Variants in MCC observed in about 807,000 individuals in gnomAD.
MCC encodes the protein colorectal mutant cancer protein.
In MCC, 90 loss-of-function variants were observed where a neutral mutation model predicts 116.2. The ratio of observed to expected loss-of-function variants is 0.77; its 90% CI spans 0.65 to 0.92. The LOEUF is 0.92. Ranked by LOEUF, MCC falls within the 40% of genes least tolerant of loss-of-function variation. The probability of loss-of-function intolerance (pLI) is 0.00; values close to 1 mark genes in which losing one functional copy is unlikely to be tolerated. For missense variants in MCC, 1,516 were observed against 1,312.2 expected (o/e 1.16, Z -2.40); for synonymous variants, 578 against 510.5 (o/e 1.13, Z -1.78).
rs1561723837 is a variant in MCC at position 113,025,297 on chromosome 5, A to T, written c.*2005T>A. 1.3e-5 allele frequency: 2 copies of T among 151,946 alleles called. No individual in the cohort carries two copies. Among genetic ancestry groups the T allele is most frequent in the African/African-American group, 4.8e-5 (2 of 41,346 alleles). The allele number at this position is 151,946 out of a possible 1,614,324, so 9.4% of individuals were successfully genotyped here. ...CAGCCAAAACATTTTCCTCATGATAAAATGCAACTTTATATGAAAAGTGAA... is the reference window on the plus strand; with the variant it reads ...CAGCCAAAACATTTTCCTCATGATATAATGCAACTTTATATGAAAAGTGAA... On this transcript the variant is annotated 3_prime_UTR_variant, in exon 19 of 19. Transcript: ENST00000408903.
chr5:113,450,970 T>TC (rs1445351665), intron 1 of MCC, among the ~76,000 whole-genome samples: 1 of 152,210 alleles, frequency 6.6e-6, no homozygotes, highest in Non-Finnish European at 1.5e-5. Context: ...TCCTTTTTTT[T>TC]CACCCCCATT....
At chr5:113,071,345 C>A in intron 11 of MCC, 111 bp from the exon 12 acceptor site, 2 of 1,092,536 alleles carry the variant, frequency 1.8e-6, no homozygotes, top group Non-Finnish European at 1.3e-6. Context: ...GTGGGCCTGT[C>A]AGATTAGTAG....
chr5:113,422,417 G>A (rs1770365901), intron 1 of MCC, among the ~76,000 whole-genome samples: 1 of 149,982 alleles, frequency 6.7e-6, no homozygotes, highest in South Asian at 2.1e-4. Flanking sequence ...AAGCTTCTAT[G>A]ATTTAATTTT....
At chr5:113,419,481 G>C (rs2150406461) in intron 1 of MCC, among the ~76,000 whole-genome samples, 1 of 152,062 alleles carries the variant, frequency 6.6e-6, no homozygotes, top group Non-Finnish European at 1.5e-5. Flanking sequence ...ACGGGTGTAA[G>C]CCACCATACC....
chr5:113,467,587 C>T (rs965519777), intron 1 of MCC, among the ~76,000 whole-genome samples: 1 of 152,062 alleles, frequency 6.6e-6, no homozygotes, highest in African/African-American at 2.4e-5. Flanking sequence ...GTTACTGTAG[C>T]CTTGTAGTAT....
chr5:113,276,980 A>G (rs1180167116), intron 3 of MCC, among the ~76,000 whole-genome samples: 1 of 151,506 alleles, frequency 6.6e-6, no homozygotes, highest in Non-Finnish European at 1.5e-5. Flanking sequence ...ATCAAGGAAA[A>G]CTTGAAAAAA....
chr5:113,134,685 T>C (rs374110085), intron 5 of MCC, among the ~76,000 whole-genome samples: 15 of 151,650 alleles, frequency 9.9e-5, no homozygotes, highest in East Asian at 7.7e-4. Flanking sequence ...CTTTGGGTAG[T>C]ATTAACATTT....
chr5:113,120,786 G>A (rs2150269046), intron 6 of MCC, among the ~76,000 whole-genome samples: 1 of 152,320 alleles, frequency 6.6e-6, no homozygotes, highest in African/African-American at 2.4e-5. Flanking sequence ...GTTATCATCT[G>A]CAAACACCCT....
At position 113,302,440 on chromosome 5, in the gene MCC, A is replaced by G. The variant is rs187571148; in HGVS notation, c.627+38079T>C. ...GGACTTTGTTGAGATCCTGATTCAA[A>G]CAAAGTAACTATAAAAAATTATGAA... On this transcript the variant is annotated intron_variant, in intron 3 of 18. Transcript: ENST00000408903. 3.3e-5 allele frequency among the ~76,000 whole-genome samples: 5 copies of G among 152,340 alleles called. No homozygotes were observed. The East Asian group carries it at 7.7e-4, about 24-fold the overall frequency.
At chr5:113,479,799 T>C (rs1282781398) in intron 1 of MCC, among the ~76,000 whole-genome samples, 1 of 152,218 alleles carries the variant, frequency 6.6e-6, no homozygotes, top group Middle Eastern at 3.2e-3. Context: ...TTAGTGACAC[T>C]ATGGTTTCAT....
intron 17 of MCC, among the ~76,000 whole-genome samples, chr5:113,041,057 G>A (rs13355207): frequency 0.051 from 7,736 of 152,254 alleles, 646 homozygotes; most frequent in African/African-American, 0.18. Context: ...ATTTTTCTGC[G>A]CAGCTTTTCT....
intron 2 of MCC, among the ~76,000 whole-genome samples, chr5:113,343,754 C>T (rs1768067418): frequency 6.6e-6 from 1 of 152,116 alleles, no homozygotes; most frequent in South Asian, 2.1e-4. Flanking sequence ...ACTTTTTAAC[C>T]TAGAAATACA....
rs142204458 is a variant in MCC at position 113,339,351 on chromosome 5, A to G, written c.627+1168T>C. ...ATTATTTTGGTATACTAGTCATAAT[A>G]AACTGATGTTGACACACTATTATTA... is the stretch of plus-strand genomic sequence containing the variant. On this transcript the variant is annotated intron_variant, in intron 3 of 18. Transcript: ENST00000408903. Among the ~76,000 whole-genome samples, 30 of 152,206 alleles carry G rather than the reference A, an allele frequency of 2.0e-4. No individual in the cohort carries two copies. The East Asian group carries it at 4.8e-3, about 24-fold the overall frequency.
intron 1 of MCC, among the ~76,000 whole-genome samples, chr5:113,403,429 C>A (rs1486684708): frequency 6.6e-6 from 1 of 152,192 alleles, no homozygotes; most frequent in East Asian, 1.9e-4. Context: ...CTTCAACTAA[C>A]CACGATCACA....
chr5:113,179,804 T>C (rs1200720309), intron 3 of MCC, among the ~76,000 whole-genome samples: 1 of 152,202 alleles, frequency 6.6e-6, no homozygotes, highest in East Asian at 1.9e-4. Context: ...AGCCAAGGCC[T>C]GCCGTGTTTA....
chr5:113,416,179 G>A (rs1198813919), intron 1 of MCC, among the ~76,000 whole-genome samples: 1 of 152,074 alleles, frequency 6.6e-6, no homozygotes, highest in African/African-American at 2.4e-5. Flanking sequence ...GTTCCTATTC[G>A]GCCATCTTGG....
intron 6 of MCC, among the ~76,000 whole-genome samples, chr5:113,105,624 AT>A (rs1756684454): frequency 6.6e-6 from 1 of 152,052 alleles, no homozygotes; most frequent in African/African-American, 2.4e-5. Flanking sequence ...ACTAAATCCA[AT>A]TCATCTTGTG....
At chr5:113,053,604 G>A (rs900826564) in intron 15 of MCC, 121 bp downstream of exon 15, 5 of 666,742 alleles carry the variant, frequency 7.5e-6, no homozygotes, top group Non-Finnish European at 1.3e-5. Context: ...TATAAACAAG[G>A]GTCTAGCTCT....
chr5:113,468,337 T>G (rs1474808050), intron 1 of MCC, among the ~76,000 whole-genome samples: 1 of 152,198 alleles, frequency 6.6e-6, no homozygotes, highest in Non-Finnish European at 1.5e-5. Context: ...ATAGCTCTTA[T>G]TATTTTGAGA....
Sources: allele counts gnomAD v4.1 joint callset (sites outside exome capture counted in the v4.1 genomes callset), GRCh38; gene constraint gnomAD v4.1.1; transcripts MANE v1.5; gene names NCBI Gene and HGNC (gene_info 2026-07-23, HGNC 2026-07-21).